The following TDRD10 variants were observed in gnomAD, a reference collection of about 807,000 sequenced individuals.
TDRD10 encodes the protein tudor domain containing 10.
Under a neutral mutation model 48.0 loss-of-function variants are expected in TDRD10, and 40 were observed. The ratio of observed to expected loss-of-function variants is 0.83; its 90% CI spans 0.65 to 1.09. The LOEUF (loss-of-function observed/expected upper bound fraction) is 1.09. TDRD10 is among the 50% of genes least tolerant of loss of function. The pLI is 0.00. For synonymous variants in TDRD10, 162 were observed against 170.4 expected (o/e 0.95, Z 0.38); for missense variants, 378 against 434.7 (o/e 0.87, Z 1.16).
chr1:154,520,207 A>C, intron 4 of TDRD10, 97 bp from the exon 5 acceptor site: 1 of 850,114 alleles, frequency 1.2e-6, no homozygotes, highest in Non-Finnish European at 2.0e-6. Context: ...GTATGAGTTA[A>C]ATTGAGTCCA....
chr1:154,524,695 G>C (rs1694221627), intron 6 of TDRD10, among the ~76,000 whole-genome samples: 1 of 152,138 alleles, frequency 6.6e-6, no homozygotes, highest in East Asian at 1.9e-4. Context: ...CTTGGCTTTT[G>C]TAGGGTCTCA....
At chr1:154,531,568 G>A (rs912528066) in intron 6 of TDRD10, among the ~76,000 whole-genome samples, 4 of 152,124 alleles carry the variant, frequency 2.6e-5, no homozygotes, top group Non-Finnish European at 5.9e-5. Context: ...TCGCGGTCTC[G>A]CTGGCTTCAG....
At chr1:154,531,989 C>T (rs1205458145) in intron 6 of TDRD10, among the ~76,000 whole-genome samples, 1 of 152,244 alleles carries the variant, frequency 6.6e-6, no homozygotes. Flanking sequence ...TAAAGGTTCT[C>T]CAAGTACCCA....
At chr1:154,537,409 T>C (rs145289131) in intron 6 of TDRD10, among the ~76,000 whole-genome samples, 9 of 152,350 alleles carry the variant, frequency 5.9e-5, no homozygotes, top group African/African-American at 2.2e-4. Flanking sequence ...TTTGTCTTTT[T>C]GTGTCTAGCA....
At chr1:154,507,004 C>A (rs1693184723) in intron 2 of TDRD10, 99 bp downstream of exon 2, 8 of 1,608,746 alleles carry the variant, frequency 5.0e-6, no homozygotes, top group Non-Finnish European at 5.9e-6. Context: ...TTAAGAGTCA[C>A]CCCTGGCATC....
chr1:154,540,371 G>T (rs1427347875), intron 6 of TDRD10, among the ~76,000 whole-genome samples: 1 of 151,952 alleles, frequency 6.6e-6, no homozygotes, highest in Non-Finnish European at 1.5e-5. Flanking sequence ...GAACTGCTCT[G>T]TAGGTAGTGA....
intron 5 of TDRD10, among the ~76,000 whole-genome samples, chr1:154,520,871 G>A (rs1282431435): frequency 6.6e-6 from 1 of 152,132 alleles, no homozygotes; most frequent in Non-Finnish European, 1.5e-5. Flanking sequence ...CGAAGTAGCT[G>A]GGACTACAGG....
chr1:154,502,797 C>T lies in TDRD10; in HGVS notation c.-260C>T, dbSNP rs1692865249. ...TTGGCGGTAGGGCAGAGGTTGCGGC[C>T]CGAGGTCCGGGCGCAGGGACAACGG... On this transcript the variant is annotated 5_prime_UTR_variant, in exon 1 of 13. Transcript: ENST00000368482. 1 of 152,310 alleles carries T rather than the reference C, an allele frequency of 6.6e-6. No individual in the cohort carries two copies. Among genetic ancestry groups the T allele is most frequent in the Non-Finnish European group, 1.5e-5 (1 of 68,118 alleles). The allele number at this position is 152,310 out of a possible 1,614,324, so 9.4% of individuals were successfully genotyped here. A position where few individuals can be genotyped will look rare whatever the true frequency, so the allele number is the denominator to read the frequency against.
intron 10 of TDRD10, 21 bp downstream of exon 10, chr1:154,544,538 A>G (rs757333654): frequency 1.2e-6 from 2 of 1,611,058 alleles, no homozygotes; most frequent in African/African-American, 1.3e-5. Flanking sequence ...GGGCAGGGGT[A>G]GAGTCTATGG....
Position 154,544,368 on chromosome 1 carries a change from ACAGGCTCTGCACCAGAACATG to A in TDRD10, c.658_678del (p.His220_Leu226del). 6.3e-7 allele frequency: 1 copy of A among 1,578,552 alleles called. No homozygotes were observed. The highest frequency in any genetic ancestry group is 8.6e-7 in the Non-Finnish European group (1 of 1,162,004). On this transcript the variant is annotated splice_acceptor_variant and splice_polypyrimidine_tract_variant and coding_sequence_variant and intron_variant, in exon 10 of 13. Transcript: ENST00000368482. LOFTEE classifies it high-confidence loss of function. The stretch of plus-strand genomic sequence containing the variant: ...GTGGGGCCGTTGCGTTTTGCACCCC[ACAGGCTCTGCACCAGAACATG>A]CAGGCTCTGTTTAGCACCCTGGCTC...
chr1:154,543,831 C>T, intron 8 of TDRD10, 132 bp from the exon 9 acceptor site: 1 of 1,364,824 alleles, frequency 7.3e-7, no homozygotes, highest in Non-Finnish European at 1.0e-6. Context: ...AGGGGGTGGG[C>T]ACAGCCTTTC....
chr1:154,531,239 T>C (rs1341525696), intron 6 of TDRD10, among the ~76,000 whole-genome samples: 1 of 152,214 alleles, frequency 6.6e-6, no homozygotes, highest in East Asian at 1.9e-4. Flanking sequence ...TCGTGGCTGC[T>C]TTAAAATGTT....
intron 4 of TDRD10, among the ~76,000 whole-genome samples, chr1:154,511,382 C>T (rs1693464767): frequency 6.6e-6 from 1 of 151,926 alleles, no homozygotes; most frequent in Admixed American, 6.6e-5. Flanking sequence ...GCCTGTAATC[C>T]CAGCACTTTG....
intron 4 of TDRD10, among the ~76,000 whole-genome samples, chr1:154,516,886 G>A (rs1693798158): frequency 6.6e-6 from 1 of 152,174 alleles, no homozygotes; most frequent in Admixed American, 6.5e-5. Flanking sequence ...GGCAGTGGCT[G>A]TAGTGAGCCA....
intron 1 of TDRD10, 40 bp downstream of exon 1, chr1:154,503,069 G>C (rs1692891515): frequency 6.6e-6 from 1 of 152,262 alleles, no homozygotes; most frequent in African/African-American, 2.4e-5. Context: ...TGCCAGGCGA[G>C]GGTTGGGAGG....
intron 6 of TDRD10, among the ~76,000 whole-genome samples, chr1:154,537,659 C>G (rs1694991612): frequency 6.6e-6 from 1 of 152,124 alleles, no homozygotes; most frequent in Non-Finnish European, 1.5e-5. Flanking sequence ...GAGGCTGTAC[C>G]CTGCTGAGTG....
At chr1:154,524,128 C>A (rs1262407039) in intron 6 of TDRD10, among the ~76,000 whole-genome samples, 1 of 151,898 alleles carries the variant, frequency 6.6e-6, no homozygotes, top group Non-Finnish European at 1.5e-5. Flanking sequence ...GACATTTATC[C>A]CTTGATTATG....
At position 154,513,809 on chromosome 1, in the gene TDRD10, T is replaced by A. The variant is rs186481001; in HGVS notation, c.141+5328T>A. On this transcript the variant is annotated intron_variant, in intron 4 of 12. Transcript: ENST00000368482. ...TGCCGCCATAAAGCAGCAGCACTCT[T>A]GTCTATAGAACAGCTGACCTGATTT... Among the ~76,000 whole-genome samples, 535 of 152,340 alleles carry A rather than the reference T, an allele frequency of 3.5e-3. 2 individuals are homozygous for A. Among genetic ancestry groups the A allele is most frequent in the Non-Finnish European group, 5.3e-3 (361 of 68,036 alleles).
intron 11 of TDRD10, among the ~76,000 whole-genome samples, chr1:154,545,519 G>A (rs1331180486): frequency 1.3e-5 from 2 of 152,162 alleles, no homozygotes; most frequent in Non-Finnish European, 2.9e-5. Flanking sequence ...AGAAGTGGAG[G>A]TGAAGAAGCA....
Sources: allele counts gnomAD v4.1 joint callset (sites outside exome capture counted in the v4.1 genomes callset), GRCh38; gene constraint gnomAD v4.1.1; transcripts MANE v1.5; gene names NCBI Gene and HGNC (gene_info 2026-07-23, HGNC 2026-07-21).